RAP1GAP2: variants seen among roughly 807,000 people sequenced by gnomAD.
RAP1GAP2 encodes the protein rap1 GTPase-activating protein 2.
In RAP1GAP2, 27 loss-of-function variants were observed where a neutral mutation model predicts 95.0. The observed-to-expected ratio is 0.28, with a 90% CI of 0.21 to 0.39. The LOEUF (loss-of-function observed/expected upper bound fraction) is 0.39, where lower values mean the gene tolerates loss of function less well. Among genes scored for constraint, RAP1GAP2 ranks in the 10% least tolerant of loss-of-function variants. RAP1GAP2 has a pLI of 1.00. For missense variants in RAP1GAP2, 771 were observed against 970.0 expected (o/e 0.79, Z 2.72); for synonymous variants, 373 against 380.9 (o/e 0.98, Z 0.24).
chr17:2,930,476 A>ATGGAGGCTTC (rs2043106721), intron 3 of RAP1GAP2, among the ~76,000 whole-genome samples: 1 of 152,212 alleles, frequency 6.6e-6, no homozygotes, highest in South Asian at 2.1e-4. Context: ...CTCACTCGGA[A>ATGGAGGCTTC]TGGAGGCTTC....
chr17:2,820,348 C>T (rs1363470693), intron 2 of RAP1GAP2, among the ~76,000 whole-genome samples: 1 of 151,990 alleles, frequency 6.6e-6, no homozygotes, highest in African/African-American at 2.4e-5. Context: ...AGGCTGGGCG[C>T]GGTGGCTCAC....
chr17:2,883,300 C>T (rs887278798), intron 2 of RAP1GAP2, among the ~76,000 whole-genome samples: 3 of 152,262 alleles, frequency 2.0e-5, no homozygotes, highest in East Asian at 1.9e-4. Flanking sequence ...GTCTGCAGGT[C>T]GGTGTCCCAG....
chr17:2,896,512 C>G (rs1415079962), intron 2 of RAP1GAP2, among the ~76,000 whole-genome samples: 1 of 152,088 alleles, frequency 6.6e-6, no homozygotes, highest in Admixed American at 6.5e-5. Flanking sequence ...AACTCGGAAT[C>G]TCTGCTGGCT....
intron 2 of RAP1GAP2, among the ~76,000 whole-genome samples, chr17:2,868,222 G>A (rs1229070669): frequency 2.0e-5 from 3 of 152,106 alleles, no homozygotes. Flanking sequence ...TGGTTACGAG[G>A]CCCTGGCTGA....
chr17:3,007,616 A>G (rs940267835), intron 16 of RAP1GAP2, among the ~76,000 whole-genome samples: 1 of 152,188 alleles, frequency 6.6e-6, no homozygotes, highest in Non-Finnish European at 1.5e-5. Flanking sequence ...CTGTGTGAAT[A>G]GCGGCCCCTG....
At chr17:2,954,112 A>T (rs2044019235) in intron 3 of RAP1GAP2, among the ~76,000 whole-genome samples, 1 of 151,970 alleles carries the variant, frequency 6.6e-6, no homozygotes, top group Admixed American at 6.6e-5. Flanking sequence ...TGTCTTTTTT[A>T]AATTTTTTTT....
At chr17:2,948,036 C>CGT in intron 3 of RAP1GAP2, among the ~76,000 whole-genome samples, 1 of 152,292 alleles carries the variant, frequency 6.6e-6, no homozygotes, top group South Asian at 2.1e-4. Flanking sequence ...TTGTCCCCTC[C>CGT]GTGTGTCCTG....
In RAP1GAP2 at chr17:2,857,329, C is replaced by T. The variant is rs994520882; in HGVS notation, c.81-47955C>T. Among the ~76,000 whole-genome samples the T allele has an allele frequency of 7.2e-5, 11 of 152,124 alleles. No homozygotes were observed. Among genetic ancestry groups the T allele is most frequent in the Admixed American group, 2.0e-4 (3 of 15,272 alleles). On this transcript the variant is annotated intron_variant, in intron 2 of 24. Transcript: ENST00000254695. This position sits in a 1 kb window ranked among gnomAD's most constrained non-coding sequence, Gnocchi z 4.0. ...CTCTCCAGGCCACTTGGAAATATTG[C>T]GTATTAGGGGACAGGGAGGTGTGCC...
At chr17:2,789,607 T>TAA (rs546111176) in intron 1 of RAP1GAP2, among the ~76,000 whole-genome samples, 75 of 74,706 alleles carry the variant, frequency 1.0e-3, no homozygotes, top group African/African-American at 1.2e-3. Flanking sequence ...CAGTCTCTAC[T>TAA]AAAAAAAAAA....
intron 2 of RAP1GAP2, among the ~76,000 whole-genome samples, chr17:2,830,335 A>G (rs917024997): frequency 6.6e-6 from 1 of 152,034 alleles, no homozygotes; most frequent in Non-Finnish European, 1.5e-5. Flanking sequence ...AATAGCTTGA[A>G]CCCATGAGGC....
At position 2,800,445 on chromosome 17, in the gene RAP1GAP2, C is replaced by T. The variant is rs534205147; in HGVS notation, c.45-70C>T. The stretch of plus-strand genomic sequence containing the variant: ...GTGGTTTGGGCTGTCCCGGGGACTC[C>T]TCCATACAGATGCTATGTAGGAGTC... On this transcript the variant is annotated intron_variant, in intron 1 of 24. Transcript: ENST00000254695. 202 of 1,073,860 alleles carry T rather than the reference C, an allele frequency of 1.9e-4. 1 individual carries two copies. In the Admixed American group the frequency reaches 4.5e-3, roughly 24 times the overall value. 66.5% of individuals were successfully genotyped at this position (1,073,860 alleles called of 1,614,324 possible).
chr17:2,808,832 C>T lies in RAP1GAP2; in HGVS notation c.80+8282C>T, dbSNP rs141010772. 5.3e-3 allele frequency among the ~76,000 whole-genome samples: 811 copies of T among 152,226 alleles called. 1 individual carries two copies. The highest frequency in any genetic ancestry group is 0.014 in the South Asian group (66 of 4,830). Reference sequence around the variant, plus strand: ...GTGGGTGTGTGCAGATACGTGTAGGCGTGTGTGCACGCTCGCCCATGCAGG... The same window carrying T: ...GTGGGTGTGTGCAGATACGTGTAGGTGTGTGTGCACGCTCGCCCATGCAGG... On this transcript the variant is annotated intron_variant, in intron 2 of 24. Transcript: ENST00000254695.
At chr17:2,928,698 G>A (rs1449500122) in intron 3 of RAP1GAP2, among the ~76,000 whole-genome samples, 4 of 152,210 alleles carry the variant, frequency 2.6e-5, no homozygotes, top group South Asian at 2.1e-4. Flanking sequence ...CTCCAGCAGC[G>A]CCTTCCAGCC....
intron 2 of RAP1GAP2, among the ~76,000 whole-genome samples, chr17:2,822,049 G>A (rs1007451585): frequency 1.3e-5 from 2 of 152,202 alleles, no homozygotes; most frequent in Non-Finnish European, 2.9e-5. Flanking sequence ...TGGTGTCTGG[G>A]GCAGTGAGGA....
chr17:2,849,212 A>G (rs1156509041), intron 2 of RAP1GAP2, among the ~76,000 whole-genome samples: 5 of 152,146 alleles, frequency 3.3e-5, no homozygotes, highest in Non-Finnish European at 5.9e-5. Flanking sequence ...GGGAGGGGCA[A>G]GGCGTTTGAA....
At chr17:2,905,571 C>T (rs565619275) in intron 3 of RAP1GAP2, among the ~76,000 whole-genome samples, 5 of 152,142 alleles carry the variant, frequency 3.3e-5, no homozygotes, top group African/African-American at 9.6e-5. Context: ...TGTCAAGGGG[C>T]GGTGAGGACA....
At chr17:2,758,643 G>A (rs1459780146) in intron 1 of RAP1GAP2, among the ~76,000 whole-genome samples, 2 of 152,210 alleles carry the variant, frequency 1.3e-5, no homozygotes, top group African/African-American at 4.8e-5. Flanking sequence ...CTCCAGCCAT[G>A]GCCAGCCATG....
At chr17:3,009,096 A>G (rs901357084) in intron 17 of RAP1GAP2, among the ~76,000 whole-genome samples, 25 of 152,132 alleles carry the variant, frequency 1.6e-4, no homozygotes, top group African/African-American at 5.8e-4. Flanking sequence ...ACCCACCTCT[A>G]TTAAAACCGC....
chr17:2,888,832 T>G (rs1051754147), intron 2 of RAP1GAP2, among the ~76,000 whole-genome samples: 1 of 151,378 alleles, frequency 6.6e-6, no homozygotes, highest in African/African-American at 2.4e-5. Flanking sequence ...TTTTTTTTTT[T>G]TTTGTATTTT....
Sources: allele counts gnomAD v4.1 joint callset (sites outside exome capture counted in the v4.1 genomes callset), GRCh38; gene constraint gnomAD v4.1.1; non-coding constraint Gnocchi (gnomAD v3.1); transcripts MANE v1.5; gene names NCBI Gene and HGNC (gene_info 2026-07-23, HGNC 2026-07-21).